The following MTA3 variants were observed in gnomAD, a reference collection of about 807,000 sequenced individuals.
MTA3 encodes metastasis-associated protein MTA3.
In MTA3, 34 loss-of-function variants were observed where a neutral mutation model predicts 83.5. The observed-to-expected ratio is 0.41, with a 90% CI of 0.31 to 0.54. The LOEUF (loss-of-function observed/expected upper bound fraction) is 0.54, where lower values mean the gene tolerates loss of function less well. Among genes scored for constraint, MTA3 ranks in the 20% least tolerant of loss-of-function variants. The probability of loss-of-function intolerance (pLI) is 0.33; values close to 1 mark genes in which losing one functional copy is unlikely to be tolerated. For missense variants in MTA3, 761 were observed against 726.4 expected, an observed-to-expected ratio of 1.05 and a Z score of -0.55; for synonymous variants, 303 against 252.7, an observed-to-expected ratio of 1.20 and a Z score of -1.89.
intron 2 of MTA3, among the ~76,000 whole-genome samples, chr2:42,510,739 G>C (rs1674860765): frequency 6.6e-6 from 1 of 152,168 alleles, no homozygotes; most frequent in Non-Finnish European, 1.5e-5. Flanking sequence ...ATCAGGGGAA[G>C]AAGCGTTCCA....
intron 8 of MTA3, among the ~76,000 whole-genome samples, chr2:42,661,506 C>CAA (rs1296698587): frequency 1.5e-3 from 41 of 27,086 alleles, no homozygotes; most frequent in South Asian, 2.2e-3. Context: ...GACCCTGTCT[C>CAA]AAAAAAAAAA....
At chr2:42,605,774 C>G (rs1406308959) in intron 3 of MTA3, among the ~76,000 whole-genome samples, 1 of 123,194 alleles carries the variant, frequency 8.1e-6, no homozygotes, top group Non-Finnish European at 1.7e-5. Context: ...CTCCTCACTT[C>G]CCAGAAGGGG....
At chr2:42,630,985 C>T (rs1249540096) in intron 4 of MTA3, among the ~76,000 whole-genome samples, 1 of 152,008 alleles carries the variant, frequency 6.6e-6, no homozygotes, top group Non-Finnish European at 1.5e-5. Flanking sequence ...AATAGAACTC[C>T]ACTGTGGATT....
chr2:42,645,012 A>G (rs1426505953), intron 6 of MTA3, among the ~76,000 whole-genome samples: 1 of 152,172 alleles, frequency 6.6e-6, no homozygotes, highest in Non-Finnish European at 1.5e-5. Context: ...ATCATAAGCA[A>G]GAAATGAAGC....
At chr2:42,663,944 T>C (rs192541114) in intron 8 of MTA3, among the ~76,000 whole-genome samples, 5 of 152,312 alleles carry the variant, frequency 3.3e-5, no homozygotes. Context: ...CGTAATTATT[T>C]TCTAAAGCAG....
chr2:42,649,640 C>G (rs1394036559), intron 6 of MTA3, among the ~76,000 whole-genome samples: 2 of 152,130 alleles, frequency 1.3e-5, no homozygotes, highest in Admixed American at 6.6e-5. Flanking sequence ...TAAGAAAGAG[C>G]AAGTGGAAAT....
At chr2:42,570,416 C>G in intron 1 of MTA3, 21 bp from the exon 2 acceptor site, 1 of 1,439,306 alleles carries the variant, frequency 6.9e-7, no homozygotes, top group Non-Finnish European at 9.5e-7. Flanking sequence ...AGATTAAGTT[C>G]TGTACTTCCT....
At chr2:42,522,799 A>G (rs1024673316) in intron 2 of MTA3, among the ~76,000 whole-genome samples, 20 of 148,494 alleles carry the variant, frequency 1.3e-4, no homozygotes, top group Non-Finnish European at 2.8e-4. Flanking sequence ...GGAGATCAAC[A>G]TGTGGTCTTT....
chr2:42,646,200 C>A (rs761457378), intron 6 of MTA3, among the ~76,000 whole-genome samples: 7 of 152,144 alleles, frequency 4.6e-5, no homozygotes, highest in African/African-American at 1.4e-4. Context: ...TTTAAAAATT[C>A]TTTTCAAAAA....
At position 42,551,077 on chromosome 2, in the gene MTA3, A is replaced by T. The variant is rs192155695; in HGVS notation, c.-140-19360A>T. Reference sequence around the variant, plus strand: ...TAAATAAATAAATAAATAAATAAATAAATAAATAAATTAAAATTTATGATA... The same window carrying T: ...TAAATAAATAAATAAATAAATAAATTAATAAATAAATTAAAATTTATGATA... On this transcript the variant is annotated intron_variant, in intron 2 of 17. Coordinates refer to the MTA3 transcript ENST00000405592. Among the ~76,000 whole-genome samples, 1,380 of 150,492 alleles carry T rather than the reference A, an allele frequency of 9.2e-3. 18 individuals are homozygous for T. Among genetic ancestry groups the T allele is most frequent in the African/African-American group, 0.032 (1,291 of 40,152 alleles).
At chr2:42,664,064 T>G (rs955036933) in intron 8 of MTA3, among the ~76,000 whole-genome samples, 1 of 152,232 alleles carries the variant, frequency 6.6e-6, no homozygotes, top group African/African-American at 2.4e-5. Context: ...ATCTCTCCTC[T>G]GTCAGATTAC....
At chr2:42,583,567 T>A (rs958367853) in intron 3 of MTA3, among the ~76,000 whole-genome samples, 5 of 152,210 alleles carry the variant, frequency 3.3e-5, no homozygotes, top group African/African-American at 1.2e-4. Flanking sequence ...AGAGTCTTGC[T>A]CTATCGCTCA....
intron 16 of MTA3, among the ~76,000 whole-genome samples, chr2:42,728,078 T>C (rs1005025167): frequency 3.4e-4 from 52 of 152,314 alleles, no homozygotes; most frequent in African/African-American, 1.1e-3. Context: ...TTTGTACCCA[T>C]TAATCATACC....
At chr2:42,505,799 C>T (rs1248696450) in intron 2 of MTA3, among the ~76,000 whole-genome samples, 109 of 142,916 alleles carry the variant, frequency 7.6e-4, no homozygotes, top group African/African-American at 2.7e-3. Flanking sequence ...GATGGAGTCT[C>T]GCTCTGTCAC....
rs1666348265 is a variant in MTA3, at chr2:42,708,871, C to T, written c.1303-3C>T. 6.2e-7 allele frequency: 1 copy of T among 1,613,606 alleles called. No individual in the cohort carries two copies. The highest frequency in any genetic ancestry group is 1.1e-5 in the South Asian group (1 of 91,026). ...GAGTGTTTGTTGTTTTCTGATTTTGCAGGACCCTCGTGTTAGAAGTCACGT... is the reference window on the plus strand; with the variant it reads ...GAGTGTTTGTTGTTTTCTGATTTTGTAGGACCCTCGTGTTAGAAGTCACGT... On this transcript the variant is annotated splice_polypyrimidine_tract_variant and splice_region_variant and intron_variant, in intron 13 of 16. Coordinates refer to ENST00000405094, the MANE Select transcript of MTA3 (RefSeq NM_001330442.2).
Position 42,568,638 on chromosome 2 carries a change from A to G in MTA3, c.-108A>G. 1.4e-5 allele frequency: 4 copies of G among 279,298 alleles called. No individual in the cohort carries two copies. The highest frequency in any genetic ancestry group is 1.8e-4 in the East Asian group (1 of 5,680). The allele number at this position is 279,298 out of a possible 1,614,324, so 17.3% of individuals were successfully genotyped here. A position where few individuals can be genotyped will look rare whatever the true frequency, so the allele number is the denominator to read the frequency against. ...CTTCCCTCCCTTCCCCCCCGTGGCG[A>G]GGCAGCAGCGACGGCGGCGGCGGCA... On this transcript the variant is annotated 5_prime_UTR_variant, in exon 1 of 17. Coordinates refer to ENST00000405094, the MANE Select transcript of MTA3 (RefSeq NM_001330442.2).
At chr2:42,613,248 A>T (rs1453596483) in intron 4 of MTA3, among the ~76,000 whole-genome samples, 1 of 152,198 alleles carries the variant, frequency 6.6e-6, no homozygotes, top group Non-Finnish European at 1.5e-5. Context: ...GAGACAAGGG[A>T]CCTAGCTTAT....
At chr2:42,701,291 C>CAAAAAAAAA (rs35602598) in intron 11 of MTA3, among the ~76,000 whole-genome samples, 1 of 69,798 alleles carries the variant, frequency 1.4e-5, no homozygotes. Context: ...GACCCTGCCT[C>CAAAAAAAAA]AAAAAAAAAA....
intron 4 of MTA3, among the ~76,000 whole-genome samples, chr2:42,636,356 A>G (rs187551311): frequency 1.2e-4 from 19 of 152,154 alleles, no homozygotes; most frequent in Admixed American, 3.3e-4. Context: ...CCTGGGAAAC[A>G]TAGCAAAACT....
Sources: gnomAD v4.1 joint callset for allele counts (sites outside exome capture counted in the v4.1 genomes callset) on GRCh38, gnomAD v4.1.1 for gene constraint, MANE v1.5 for transcripts, NCBI Gene and HGNC (gene_info 2026-07-23, HGNC 2026-07-21) for gene names.